The following TACC2 variants were observed in gnomAD, a reference collection of about 807,000 sequenced individuals.
TACC2 encodes transforming acidic coiled-coil-containing protein 2.
Under a neutral mutation model 227.3 loss-of-function variants are expected in TACC2, and 137 were observed. The observed-to-expected ratio is 0.60, with a 90% confidence interval of 0.52 to 0.69. The LOEUF (loss-of-function observed/expected upper bound fraction) is 0.69, where lower values mean the gene tolerates loss of function less well. Among genes scored for constraint, TACC2 ranks in the 30% least tolerant of loss-of-function variants. TACC2 has a pLI of 0.00. For synonymous variants in TACC2, 1,523 were observed against 1,487.5 expected, an observed-to-expected ratio of 1.02 and a Z score of -0.55; for missense variants, 3,470 against 3,694.4, an observed-to-expected ratio of 0.94 and a Z score of 1.57.
intron 9 of TACC2, among the ~76,000 whole-genome samples, chr10:122,213,026 T>C (rs1441285728): frequency 6.6e-6 from 1 of 152,234 alleles, no homozygotes; most frequent in Non-Finnish European, 1.5e-5. Context: ...CCCAGTCACT[T>C]TCTTGTTTGA....
chr10:122,211,359 G>A lies in TACC2; in HGVS notation c.6934G>A (p.Asp2312Asn), dbSNP rs370847934. Residue 2312 changes from aspartate (D) to asparagine (N), a missense_variant, in exon 9 of 23, where the codon GAC becomes AAC. By Grantham distance (23) the Asp-to-Asn change is conservative. This residue lies in a region of TACC2 where 593 missense variants were observed against 636.6 expected (regional missense o/e 0.93). Coordinates refer to ENST00000369005, the MANE Select transcript of TACC2 (RefSeq NM_206862.4). ...GATGAAAAAGACACCCGAGAAACTT[G>A]ACAACACTCCTGCCTCACCTCCCAG... ...PKMKKTPEKL[D>N]NTPASPPRSP... The A allele has an allele frequency of 7.9e-5, 128 of 1,613,682 alleles. No homozygotes were observed. Among genetic ancestry groups the A allele is most frequent in the Non-Finnish European group, 1.0e-4 (118 of 1,179,944 alleles).
intron 2 of TACC2, among the ~76,000 whole-genome samples, chr10:122,036,274 G>A (rs897854895): frequency 4.1e-5 from 6 of 145,600 alleles, no homozygotes; most frequent in African/African-American, 1.5e-4. Context: ...CTCACTGCAA[G>A]CTCTGCCTCC....
intron 7 of TACC2, among the ~76,000 whole-genome samples, chr10:122,171,010 G>T (rs1442034677): frequency 6.6e-6 from 1 of 152,228 alleles, no homozygotes; most frequent in African/African-American, 2.4e-5. Context: ...AGGCTGGTGT[G>T]TGGCTGTGAG....
intron 8 of TACC2, among the ~76,000 whole-genome samples, chr10:122,206,440 G>A (rs2095110977): frequency 6.6e-6 from 1 of 152,190 alleles, no homozygotes; most frequent in Non-Finnish European, 1.5e-5. Context: ...TCATACGGGT[G>A]GGGCCCTAAG....
chr10:122,073,126 AATATATAT>A lies in TACC2; in HGVS notation c.147-9501_147-9494del, dbSNP rs1167084872. On this transcript the variant is annotated intron_variant, in intron 3 of 22. Coordinates refer to ENST00000369005, the MANE Select transcript of TACC2 (RefSeq NM_206862.4). ...TGTCTCAAAAAAAAAAAAAAAAAAAAATATATATATATATATATATATATATACACACA... is the reference window on the plus strand; with the variant it reads ...TGTCTCAAAAAAAAAAAAAAAAAAAAATATATATATATATATATACACACA... Among the ~76,000 whole-genome samples the A allele has an allele frequency of 6.4e-3, 456 of 70,886 alleles. 2 individuals are homozygous for A. Among genetic ancestry groups the A allele is most frequent in the Non-Finnish European group, 9.1e-3 (367 of 40,278 alleles). The allele number at this position is 70,886 out of a possible 152,430, so 46.5% of individuals were successfully genotyped here.
chr10:122,219,435 GGTTCATCTCT>G (rs1245011293), intron 11 of TACC2, among the ~76,000 whole-genome samples: 27 of 152,200 alleles, frequency 1.8e-4, no homozygotes, highest in African/African-American at 6.3e-4. Context: ...AACTTTGTCA[GGTTCATCTCT>G]GTTCCTCACA....
chr10:122,047,537 C>T (rs1163552032), intron 2 of TACC2, among the ~76,000 whole-genome samples: 1 of 152,092 alleles, frequency 6.6e-6, no homozygotes, highest in Non-Finnish European at 1.5e-5. Context: ...GTGTGAGGAA[C>T]CATCCCCAGC....
At chr10:122,199,709 A>G (rs960930824) in intron 8 of TACC2, among the ~76,000 whole-genome samples, 2 of 152,192 alleles carry the variant, frequency 1.3e-5, no homozygotes, top group African/African-American at 4.8e-5. Flanking sequence ...TCACACGGCT[A>G]TCAACGTAAC....
intron 5 of TACC2, among the ~76,000 whole-genome samples, chr10:122,117,224 C>G (rs2084866933): frequency 7.1e-6 from 1 of 140,058 alleles, no homozygotes; most frequent in African/African-American, 2.6e-5. Context: ...GAGACAGAGT[C>G]TCGCTCTGTC....
intron 5 of TACC2, among the ~76,000 whole-genome samples, chr10:122,123,877 A>G (rs11200418): frequency 0.81 from 119,716 of 147,054 alleles, 50,032 homozygotes; most frequent in East Asian, 0.95. Flanking sequence ...GCAGTGGCAC[A>G]ATCTCGGCTC....
At chr10:122,235,366 G>A (rs2095837943) in intron 16 of TACC2, among the ~76,000 whole-genome samples, 1 of 152,124 alleles carries the variant, frequency 6.6e-6, no homozygotes, top group South Asian at 2.1e-4. Context: ...TGGATTACAG[G>A]TGTGAGCCAC....
intron 5 of TACC2, among the ~76,000 whole-genome samples, chr10:122,094,944 A>G (rs537231043): frequency 2.1e-4 from 32 of 152,304 alleles, no homozygotes; most frequent in Admixed American, 5.2e-4. Flanking sequence ...GTTTTGTTTC[A>G]GCAGCAATGT....
chr10:122,112,964 G>C (rs2083900284), intron 5 of TACC2: 1 of 152,178 alleles, frequency 6.6e-6, no homozygotes, highest in Non-Finnish European at 1.5e-5. Flanking sequence ...GGAGAGCCCA[G>C]AGCTGGGGGA....
intron 1 of TACC2, 21 bp from the exon 2 acceptor site, chr10:122,021,916 A>T: frequency 6.9e-7 from 1 of 1,459,550 alleles, no homozygotes; most frequent in Non-Finnish European, 9.6e-7. Context: ...ACAGACGTTT[A>T]TACCCTTTTG....
In TACC2 at chr10:122,134,171, CT is replaced by C. The variant is rs397964719; in HGVS notation, c.5699+1452del. Among the ~76,000 whole-genome samples the C allele has an allele frequency of 4.7e-3, 664 of 141,080 alleles. 1 individual carries two copies. The highest frequency in any genetic ancestry group is 9.3e-3 in the African/African-American group (357 of 38,444). 92.6% of individuals were successfully genotyped at this position (141,080 alleles called of 152,430 possible). A position where few individuals can be genotyped will look rare whatever the true frequency, so the allele number is the denominator to read the frequency against. On this transcript the variant is annotated intron_variant, in intron 6 of 22. Coordinates refer to ENST00000369005, the MANE Select transcript of TACC2 (RefSeq NM_206862.4). Reference sequence around the variant, plus strand: ...TTATAGGTGGGAGTCAGCCATAGTTCTTTTTTTTTTTTTTTCCTGAGACGGA... The same window carrying C: ...TTATAGGTGGGAGTCAGCCATAGTTCTTTTTTTTTTTTTTCCTGAGACGGA...
chr10:122,211,613 C>G lies in TACC2; in HGVS notation c.7188C>G (p.Ala2396=). 6 of 1,613,742 alleles carry G rather than the reference C, an allele frequency of 3.7e-6. No individual in the cohort carries two copies. The highest frequency in any genetic ancestry group is 1.3e-5 in the African/African-American group (1 of 75,026). ...CCAGCTCACCTTCTAAATCCCCAGC[C>G]TCCTTTGAGATCCCAGCCAGTGCTA... is the stretch of plus-strand genomic sequence containing the variant. ...KTPSSPSKSP[A]SFEIPASAME... Residue 2396 remains alanine, a synonymous_variant, in exon 9 of 23, where the codon GCC becomes GCG. Transcript: ENST00000369005.
chr10:122,047,930 A>C (rs2075217319), intron 2 of TACC2, among the ~76,000 whole-genome samples: 3 of 152,194 alleles, frequency 2.0e-5, no homozygotes, highest in Non-Finnish European at 4.4e-5. Flanking sequence ...TGAGAGATGA[A>C]GCATCTTTTA....
Position 122,086,906 on chromosome 10 carries a change from G to A in TACC2, c.4406G>A (p.Arg1469Gln), listed in dbSNP as rs142508761. 3,560 of 1,613,944 alleles carry A rather than the reference G, an allele frequency of 2.2e-3. 7 individuals are homozygous for A. The highest frequency in any genetic ancestry group is 2.6e-3 in the Non-Finnish European group (3,038 of 1,180,040). ...DVTLLPAPPA[R>Q]LQVEKKQQLA... ...ACCCTTCTCCCTGCACCTCCTGCTC[G>A]ACTCCAGGTGGAGAAGAAGCAACAG... is the stretch of plus-strand genomic sequence containing the variant. Residue 1469 changes from arginine to glutamine, a missense_variant, in exon 4 of 23, where the codon CGA becomes CAA. By Grantham distance (43) the Arg-to-Gln change is conservative (BLOSUM62 1). Around this residue, in one of 10 missense-constraint regions of TACC2, gnomAD observed 1,924 missense variants for 1,978.3 expected, o/e 0.97. Coordinates refer to ENST00000369005, the MANE Select transcript of TACC2 (RefSeq NM_206862.4).
intron 19 of TACC2, chr10:122,247,881 G>A (rs945234166): frequency 1.3e-5 from 2 of 152,194 alleles, no homozygotes; most frequent in African/African-American, 2.4e-5. Flanking sequence ...ACCTGCACAT[G>A]TGCCCCAAAT....
Sources: allele counts gnomAD v4.1 joint callset (sites outside exome capture counted in the v4.1 genomes callset), GRCh38; gene constraint gnomAD v4.1.1; regional missense constraint gnomAD v4.1.1; transcripts MANE v1.5; gene names NCBI Gene and HGNC (gene_info 2026-07-23, HGNC 2026-07-21).